The following DOCK10 variants were observed in gnomAD, a reference collection of about 807,000 sequenced individuals.
The protein encoded by DOCK10 is dedicator of cytokinesis protein 10.
A neutral mutation model predicts 280.1 loss-of-function variants in DOCK10; 145 were observed. The ratio of observed to expected loss-of-function variants is 0.52; its 90% CI spans 0.45 to 0.59. DOCK10 has a LOEUF of 0.59. Ranked by LOEUF, DOCK10 falls within the 20% of genes least tolerant of loss-of-function variation. The pLI, the probability that DOCK10 is intolerant of heterozygous loss-of-function variation, is 0.00. For missense variants in DOCK10, 2,368 were observed against 2,651.7 expected, an observed-to-expected ratio of 0.89 and a Z score of 2.35; for synonymous variants, 915 against 942.2, an observed-to-expected ratio of 0.97 and a Z score of 0.53.
chr2:224,938,022 T>A (rs555812751), intron 1 of DOCK10, among the ~76,000 whole-genome samples: 1 of 152,214 alleles, frequency 6.6e-6, no homozygotes, highest in Non-Finnish European at 1.5e-5. Flanking sequence ...ATCTGGTATC[T>A]ACATTTTGAA....
At chr2:224,906,770 C>T (rs1362636538) in intron 3 of DOCK10, among the ~76,000 whole-genome samples, 1 of 152,220 alleles carries the variant, frequency 6.6e-6, no homozygotes, top group African/African-American at 2.4e-5. Flanking sequence ...TCAGTCACCG[C>T]ACCCGGCCTT....
At chr2:224,938,089 T>C (rs1415922138) in intron 1 of DOCK10, among the ~76,000 whole-genome samples, 1 of 152,206 alleles carries the variant, frequency 6.6e-6, no homozygotes, top group Non-Finnish European at 1.5e-5. Flanking sequence ...TAGTTTTGTC[T>C]ACCTGAAGTA....
intron 47 of DOCK10, among the ~76,000 whole-genome samples, chr2:224,792,687 G>A (rs1692281582): frequency 6.6e-6 from 1 of 152,152 alleles, no homozygotes; most frequent in Admixed American, 6.5e-5. Context: ...CATCCCTATG[G>A]CAGACTGGCA....
At chr2:224,946,809 A>C (rs779050180) in intron 1 of DOCK10, 7 of 1,451,078 alleles carry the variant, frequency 4.8e-6, no homozygotes, top group Non-Finnish European at 6.5e-6. Flanking sequence ...GGATTGAAGG[A>C]AAGATGGAAA....
chr2:225,035,042 T>A (rs1165184190), intron 1 of DOCK10, among the ~76,000 whole-genome samples: 1 of 152,190 alleles, frequency 6.6e-6, no homozygotes, highest in African/African-American at 2.4e-5. Context: ...AAGAGCCCAA[T>A]CACCTAATCC....
At chr2:224,981,994 C>G (rs972633394) in intron 1 of DOCK10, among the ~76,000 whole-genome samples, 1 of 152,208 alleles carries the variant, frequency 6.6e-6, no homozygotes, top group Admixed American at 6.5e-5. Context: ...GACCGAGAAG[C>G]TGTACAGTTT....
At position 224,781,495 on chromosome 2, in the gene DOCK10, T is replaced by A. The variant is rs549566301; in HGVS notation, c.5656-3211A>T. On this transcript the variant is annotated intron_variant, in intron 50 of 55. Transcript: ENST00000258390. ...GGGAAACTATCAAAGCAAAGCCCAC[T>A]GAGCTACAGACACTATCTGAAGGAA... 2.0e-5 allele frequency among the ~76,000 whole-genome samples: 3 copies of A among 152,316 alleles called. No individual in the cohort carries two copies. The East Asian group carries it at 5.8e-4, about 29-fold the overall frequency.
intron 14 of DOCK10, among the ~76,000 whole-genome samples, chr2:224,857,901 A>C (rs1016532818): frequency 6.6e-6 from 1 of 152,214 alleles, no homozygotes; most frequent in Non-Finnish European, 1.5e-5. Context: ...AAATAGCTTT[A>C]GTGTTAAATA....
intron 1 of DOCK10, among the ~76,000 whole-genome samples, chr2:224,952,680 C>T (rs1287457051): frequency 6.7e-6 from 1 of 150,112 alleles, no homozygotes; most frequent in Non-Finnish European, 1.5e-5. Flanking sequence ...GCAAGCTCCG[C>T]CTCCCGGGTT....
chr2:224,978,100 T>C (rs1705539368), intron 1 of DOCK10, among the ~76,000 whole-genome samples: 2 of 152,172 alleles, frequency 1.3e-5, no homozygotes, highest in African/African-American at 4.8e-5. Flanking sequence ...CTATTTAGCT[T>C]CGATGTAAAA....
chr2:225,013,721 T>C (rs540237290), intron 1 of DOCK10, among the ~76,000 whole-genome samples: 2 of 152,302 alleles, frequency 1.3e-5, no homozygotes, highest in South Asian at 2.1e-4. Context: ...GCATCCTACA[T>C]GTGCAGTGCT....
intron 1 of DOCK10, among the ~76,000 whole-genome samples, chr2:225,017,294 T>C (rs1160462062): frequency 6.6e-6 from 1 of 152,128 alleles, no homozygotes; most frequent in Non-Finnish European, 1.5e-5. Context: ...CCCACCAATT[T>C]TTATTTTTGA....
intron 28 of DOCK10, among the ~76,000 whole-genome samples, chr2:224,820,624 A>T (rs1033409934): frequency 6.6e-6 from 1 of 152,256 alleles, no homozygotes; most frequent in Non-Finnish European, 1.5e-5. Context: ...TTACTCACAG[A>T]CAGGACTACA....
At chr2:225,006,274 T>C (rs368100959) in intron 1 of DOCK10, among the ~76,000 whole-genome samples, 1 of 152,240 alleles carries the variant, frequency 6.6e-6, no homozygotes, top group African/African-American at 2.4e-5. Context: ...TTCTTGTCTT[T>C]TTTAGATTAA....
In DOCK10 at chr2:224,845,274, CTT is replaced by C; in HGVS notation, c.2408_2409del (p.Gln803ArgfsTer13). 6.3e-7 allele frequency: 1 copy of C among 1,589,288 alleles called. No individual in the cohort carries two copies. The highest frequency in any genetic ancestry group is 8.6e-7 in the Non-Finnish European group (1 of 1,166,400). On this transcript the variant is annotated frameshift_variant, in exon 21 of 56. Coordinates refer to ENST00000258390, the MANE Select transcript of DOCK10 (RefSeq NM_014689.3). LOFTEE classifies it high-confidence loss of function. ...PLMKHDQIAS[Q>X]EYNIPIATSL... ...CTTGTTGCTATTGGGATGTTGTACT[CTT>C]GAGAAGCTATCTGATCGTGTTTCAT...
At chr2:224,867,546 T>C (rs145079260) in intron 11 of DOCK10, among the ~76,000 whole-genome samples, 1 of 152,304 alleles carries the variant, frequency 6.6e-6, no homozygotes, top group East Asian at 1.9e-4. Flanking sequence ...GGGAAAGATA[T>C]GGAAGATGAG....
intron 1 of DOCK10, among the ~76,000 whole-genome samples, chr2:225,022,635 A>G (rs1211011841): frequency 6.6e-6 from 1 of 152,232 alleles, no homozygotes; most frequent in Non-Finnish European, 1.5e-5. Flanking sequence ...GTCCCTGGAA[A>G]AATTCTGATA....
chr2:224,912,613 A>G (rs1484398203), intron 3 of DOCK10, among the ~76,000 whole-genome samples: 1 of 152,176 alleles, frequency 6.6e-6, no homozygotes, highest in South Asian at 2.1e-4. Context: ...TGATGTGTGC[A>G]TTCTTTTATA....
intron 14 of DOCK10, 179 bp downstream of exon 14, chr2:224,862,485 C>A (rs974183454): frequency 1.4e-5 from 8 of 574,542 alleles, no homozygotes; most frequent in African/African-American, 1.3e-4. Flanking sequence ...TATTGCTAAA[C>A]TGTCTTGTGA....
Sources: allele counts gnomAD v4.1 joint callset (sites outside exome capture counted in the v4.1 genomes callset), GRCh38; gene constraint gnomAD v4.1.1; transcripts MANE v1.5; gene names NCBI Gene and HGNC (gene_info 2026-07-23, HGNC 2026-07-21).